Variants in ATF7IP observed in about 807,000 individuals in gnomAD.
ATF7IP encodes the protein activating transcription factor 7-interacting protein 1.
ATF7IP carries 23 observed loss-of-function variants against 106.4 expected under a neutral mutation model. That is an observed-to-expected ratio of 0.22 (90% CI 0.16 to 0.31). ATF7IP has a LOEUF of 0.31. Among genes scored for constraint, ATF7IP ranks in the 10% least tolerant of loss-of-function variants. ATF7IP has a pLI of 1.00. For synonymous variants in ATF7IP, 542 were observed against 539.0 expected, an observed-to-expected ratio of 1.01 and a Z score of -0.08; for missense variants, 1,334 against 1,524.3, an observed-to-expected ratio of 0.88 and a Z score of 2.08.
chr12:14,488,191 C>T (rs1944689227), intron 13 of ATF7IP, among the ~76,000 whole-genome samples: 1 of 152,038 alleles, frequency 6.6e-6, no homozygotes, highest in African/African-American at 2.4e-5. Flanking sequence ...ATAAGATGGA[C>T]ACACACACAT....
chr12:14,444,284 G>C (rs1942849423), intron 5 of ATF7IP, among the ~76,000 whole-genome samples: 1 of 152,140 alleles, frequency 6.6e-6, no homozygotes, highest in South Asian at 2.1e-4. Context: ...CTAATACAGA[G>C]ACAGTTTTAA....
intron 9 of ATF7IP, 185 bp from the exon 10 acceptor site, chr12:14,466,341 A>AT (rs1331491548): frequency 3.4e-6 from 2 of 595,076 alleles, no homozygotes; most frequent in African/African-American, 1.9e-5. Context: ...TGTGATCTGT[A>AT]TAGTAATCTG....
chr12:14,390,857 A>G (rs977303831), intron 1 of ATF7IP, among the ~76,000 whole-genome samples: 1 of 152,248 alleles, frequency 6.6e-6, no homozygotes, highest in Non-Finnish European at 1.5e-5. Context: ...TCTGACTTAA[A>G]TTTGAATTCC....
At chr12:14,382,293 T>G (rs945413240) in intron 1 of ATF7IP, among the ~76,000 whole-genome samples, 1 of 152,198 alleles carries the variant, frequency 6.6e-6, no homozygotes, top group Non-Finnish European at 1.5e-5. Context: ...CATTAGAAAT[T>G]GGTTGCAAGT....
Position 14,474,978 on chromosome 12 carries a change from T to C in ATF7IP, c.2863-912T>C, listed in dbSNP as rs182663566. Reference sequence around the variant, plus strand: ...TAGAAAGATTTATAAGAATGAGAATTGCATTATTGTCTTGGGATTGGGCCT... The same window carrying C: ...TAGAAAGATTTATAAGAATGAGAATCGCATTATTGTCTTGGGATTGGGCCT... On this transcript the variant is annotated intron_variant, in intron 10 of 14. Coordinates refer to ENST00000261168, the MANE Select transcript of ATF7IP (RefSeq NM_018179.5). 2.6e-5 allele frequency among the ~76,000 whole-genome samples: 4 copies of C among 152,324 alleles called. No homozygotes were observed. In the East Asian group the frequency reaches 7.7e-4, roughly 29 times the overall value.
At chr12:14,473,288 C>CTGTATGTGT (rs796814505) in intron 10 of ATF7IP, among the ~76,000 whole-genome samples, 2 of 140,350 alleles carry the variant, frequency 1.4e-5, no homozygotes, top group African/African-American at 5.3e-5. Flanking sequence ...CTCTCTCTCT[C>CTGTATGTGT]TCTGTGTGTG....
At chr12:14,384,386 T>C (rs1279371652) in intron 1 of ATF7IP, among the ~76,000 whole-genome samples, 1 of 152,196 alleles carries the variant, frequency 6.6e-6, no homozygotes, top group Non-Finnish European at 1.5e-5. Context: ...TGGAGCTCTT[T>C]CAAATTTGTC....
chr12:14,382,326 G>A (rs1397851610), intron 1 of ATF7IP, among the ~76,000 whole-genome samples: 2 of 152,188 alleles, frequency 1.3e-5, no homozygotes, highest in East Asian at 3.8e-4. Context: ...GTAAATAAAC[G>A]ATTGGTCTCA....
At chr12:14,418,170 T>G (rs1008181731) in intron 1 of ATF7IP, among the ~76,000 whole-genome samples, 1 of 152,186 alleles carries the variant, frequency 6.6e-6, no homozygotes, top group Non-Finnish European at 1.5e-5. Context: ...GAGACTTATT[T>G]GCAGGTAACA....
At chr12:14,477,695 G>A (rs1401830976) in intron 11 of ATF7IP, among the ~76,000 whole-genome samples, 1 of 152,138 alleles carries the variant, frequency 6.6e-6, no homozygotes, top group Non-Finnish European at 1.5e-5. Context: ...TTTACATTTA[G>A]TGTGGAATTC....
chr12:14,444,525 A>G (rs1024937359), intron 5 of ATF7IP, among the ~76,000 whole-genome samples: 1 of 152,098 alleles, frequency 6.6e-6, no homozygotes, highest in Non-Finnish European at 1.5e-5. Flanking sequence ...TTGTTTATTC[A>G]TTTTTTTAAA....
chr12:14,374,095 G>T (rs551799088), intron 1 of ATF7IP, among the ~76,000 whole-genome samples: 132 of 149,910 alleles, frequency 8.8e-4, no homozygotes, highest in Non-Finnish European at 1.2e-3. Context: ...TGGAAAATAT[G>T]ACTTTTTTTT....
intron 1 of ATF7IP, among the ~76,000 whole-genome samples, chr12:14,389,349 A>G (rs1316369615): frequency 6.6e-6 from 1 of 152,244 alleles, no homozygotes; most frequent in Non-Finnish European, 1.5e-5. Flanking sequence ...TATTAAGTAA[A>G]GCCAATATAG....
At chr12:14,384,375 T>G (rs1343236315) in intron 1 of ATF7IP, among the ~76,000 whole-genome samples, 1 of 152,220 alleles carries the variant, frequency 6.6e-6, no homozygotes. Context: ...CCCACATTTG[T>G]TGGAGCTCTT....
intron 9 of ATF7IP, among the ~76,000 whole-genome samples, chr12:14,465,302 CTTTTA>C (rs1286325318): frequency 3.3e-5 from 5 of 151,970 alleles, no homozygotes; most frequent in Non-Finnish European, 7.4e-5. Context: ...GTAAAGTTAT[CTTTTA>C]TTTTGATTTG....
intron 10 of ATF7IP, among the ~76,000 whole-genome samples, chr12:14,474,363 C>T (rs1231739778): frequency 2.7e-5 from 4 of 146,216 alleles, no homozygotes; most frequent in Non-Finnish European, 3.0e-5. Context: ...TTTGAAATTT[C>T]CTGTTTGTGC....
intron 10 of ATF7IP, among the ~76,000 whole-genome samples, chr12:14,475,222 A>C (rs969018498): frequency 6.6e-6 from 1 of 152,352 alleles, no homozygotes; most frequent in East Asian, 1.9e-4. Context: ...AATATTGGAA[A>C]TTGAGATAAT....
chr12:14,387,147 T>C (rs1939281843), intron 1 of ATF7IP, among the ~76,000 whole-genome samples: 3 of 152,188 alleles, frequency 2.0e-5, no homozygotes, highest in African/African-American at 7.2e-5. Context: ...TATGACATAG[T>C]AGATTCTCAT....
rs953589943 is a variant in ATF7IP, at chr12:14,501,718, AT to A, written c.*3646del. On this transcript the variant is annotated 3_prime_UTR_variant, in exon 15 of 15. Transcript: ENST00000261168. The stretch of plus-strand genomic sequence containing the variant: ...TCCCATCCCCATTGCCAGATAATAA[AT>A]ATTTTGAGAAAAGTGACCTAAAACA... 2.0e-5 allele frequency: 3 copies of A among 152,190 alleles called. No homozygotes were observed. Among genetic ancestry groups the A allele is most frequent in the East Asian group, 3.8e-4 (2 of 5,198 alleles). 9.4% of individuals were successfully genotyped at this position (152,190 alleles called of 1,614,324 possible).
Sources: allele counts gnomAD v4.1 joint callset (sites outside exome capture counted in the v4.1 genomes callset), GRCh38; gene constraint gnomAD v4.1.1; transcripts MANE v1.5; gene names NCBI Gene and HGNC (gene_info 2026-07-23, HGNC 2026-07-21).